The following ANTXR1 variants were observed in gnomAD, a reference collection of about 807,000 sequenced individuals.
ANTXR1 encodes anthrax toxin receptor 1.
A neutral mutation model predicts 78.1 loss-of-function variants in ANTXR1; 19 were observed. The ratio of observed to expected loss-of-function variants is 0.24; its 90% CI spans 0.17 to 0.36. The LOEUF is 0.36. Among genes scored for constraint, ANTXR1 ranks in the 10% least tolerant of loss-of-function variants. The probability of loss-of-function intolerance (pLI) is 1.00; values close to 1 mark genes in which losing one functional copy is unlikely to be tolerated. For missense variants in ANTXR1, 518 were observed against 718.6 expected (o/e 0.72, Z 3.19); for synonymous variants, 273 against 260.5 (o/e 1.05, Z -0.46).
At chr2:69,017,282 C>G (rs974696807) in intron 1 of ANTXR1, among the ~76,000 whole-genome samples, 6 of 152,146 alleles carry the variant, frequency 3.9e-5, no homozygotes, top group African/African-American at 1.4e-4. Flanking sequence ...GTCCAGCACC[C>G]AACCACAGCC....
chr2:69,179,899 T>A (rs1271860232), intron 14 of ANTXR1, among the ~76,000 whole-genome samples: 1 of 152,188 alleles, frequency 6.6e-6, no homozygotes, highest in African/African-American at 2.4e-5. Context: ...ATGAATGCAA[T>A]ATGTGTTTAT....
chr2:69,130,680 C>T (rs1276430002), intron 12 of ANTXR1, among the ~76,000 whole-genome samples: 1 of 152,150 alleles, frequency 6.6e-6, no homozygotes, highest in East Asian at 1.9e-4. Context: ...AAAATGACAG[C>T]TGTGTATTAG....
At chr2:69,241,790 G>T (rs1675900341) in intron 17 of ANTXR1, among the ~76,000 whole-genome samples, 1 of 152,164 alleles carries the variant, frequency 6.6e-6, no homozygotes, top group African/African-American at 2.4e-5. Context: ...GGGTCTGATT[G>T]TGTCTGCGCA....
intron 9 of ANTXR1, among the ~76,000 whole-genome samples, chr2:69,101,751 A>C (rs4435491): frequency 0.79 from 120,502 of 152,112 alleles, 48,112 homozygotes; most frequent in Admixed American, 0.86. Flanking sequence ...CAAACATTGC[A>C]TTTTTTCCTC....
intron 12 of ANTXR1, among the ~76,000 whole-genome samples, chr2:69,136,872 G>C (rs1228186838): frequency 6.6e-6 from 1 of 152,158 alleles, no homozygotes; most frequent in Non-Finnish European, 1.5e-5. Flanking sequence ...TGTATAGAAA[G>C]AACTGTGTAC....
chr2:69,212,516 G>A (rs1443707089), intron 17 of ANTXR1, among the ~76,000 whole-genome samples: 3 of 152,164 alleles, frequency 2.0e-5, no homozygotes, highest in Admixed American at 1.3e-4. Context: ...AAGAGCAGGC[G>A]CAGACTGTGA....
intron 1 of ANTXR1, among the ~76,000 whole-genome samples, chr2:69,026,691 A>G (rs1671353526): frequency 6.6e-6 from 1 of 152,246 alleles, no homozygotes; most frequent in Non-Finnish European, 1.5e-5. Flanking sequence ...GTTTTGGGGC[A>G]TCATAAGAGC....
chr2:69,223,832 C>T (rs143247735), intron 17 of ANTXR1, among the ~76,000 whole-genome samples: 3 of 152,164 alleles, frequency 2.0e-5, no homozygotes, highest in African/African-American at 4.8e-5. Flanking sequence ...AAGGAGGAAA[C>T]GGCTAAAAAT....
At chr2:69,055,252 G>C (rs1670035677) in intron 3 of ANTXR1, among the ~76,000 whole-genome samples, 1 of 152,146 alleles carries the variant, frequency 6.6e-6, no homozygotes, top group South Asian at 2.1e-4. Flanking sequence ...CATCCTTCTT[G>C]AAGTTTTAAC....
rs115260241 is a variant in ANTXR1 at position 69,187,206 on chromosome 2, A to G, written c.1353+4546A>G. 2.8e-3 allele frequency among the ~76,000 whole-genome samples: 421 copies of G among 152,198 alleles called. 2 individuals carry two copies. Among genetic ancestry groups the G allele is most frequent in the African/African-American group, 9.7e-3 (404 of 41,510 alleles). On this transcript the variant is annotated intron_variant, in intron 16 of 17. Coordinates refer to ENST00000303714, the MANE Select transcript of ANTXR1 (RefSeq NM_032208.3). ...TCTCCACCCACCATCTCCCCGTCTA[A>G]TTTAAGGCACCAACCACACCAACCA...
intron 3 of ANTXR1, among the ~76,000 whole-genome samples, chr2:69,065,442 A>AAAAAAAAT (rs1670370408): frequency 6.6e-6 from 1 of 151,122 alleles, no homozygotes; most frequent in Non-Finnish European, 1.5e-5. Context: ...AAAAAAAAAA[A>AAAAAAAAT]GTGATTTTTC....
intron 8 of ANTXR1, among the ~76,000 whole-genome samples, chr2:69,085,483 C>A (rs2104264352): frequency 6.6e-6 from 1 of 152,186 alleles, no homozygotes; most frequent in South Asian, 2.1e-4. Context: ...ATTCAGAAGA[C>A]CCTGAGGTTA....
At chr2:69,205,850 C>A (rs1475385709) in intron 17 of ANTXR1, among the ~76,000 whole-genome samples, 1 of 152,172 alleles carries the variant, frequency 6.6e-6, no homozygotes, top group Non-Finnish European at 1.5e-5. Context: ...AAACACTAAA[C>A]TTTTATTATA....
intron 1 of ANTXR1, among the ~76,000 whole-genome samples, chr2:69,014,636 T>G (rs921805995): frequency 2.0e-5 from 3 of 152,130 alleles, no homozygotes; most frequent in African/African-American, 7.2e-5. Flanking sequence ...AAAAAGCCCC[T>G]CACAGAAGAT....
chr2:69,235,651 CAAAAAA>C (rs554310438), intron 17 of ANTXR1, among the ~76,000 whole-genome samples: 1 of 58,226 alleles, frequency 1.7e-5, no homozygotes, highest in Non-Finnish European at 3.5e-5. Context: ...AACCCCGTCT[CAAAAAA>C]AAAAAAAAAA....
intron 14 of ANTXR1, among the ~76,000 whole-genome samples, chr2:69,171,037 A>C (rs1673969654): frequency 1.3e-5 from 2 of 152,222 alleles, no homozygotes; most frequent in Admixed American, 6.5e-5. Flanking sequence ...CCACCCATTC[A>C]GAAGCCAGGG....
chr2:69,112,616 C>T (rs1418568710), intron 10 of ANTXR1, among the ~76,000 whole-genome samples: 1 of 152,210 alleles, frequency 6.6e-6, no homozygotes, highest in Non-Finnish European at 1.5e-5. Flanking sequence ...GAAAAAGCCC[C>T]CGACCAGGGT....
intron 1 of ANTXR1, among the ~76,000 whole-genome samples, chr2:69,025,797 C>T (rs573489628): frequency 6.6e-6 from 1 of 152,266 alleles, no homozygotes; most frequent in East Asian, 1.9e-4. Context: ...CCAGGACAGG[C>T]CTGGTCTATG....
At chr2:69,040,586 C>A (rs1363623753) in intron 2 of ANTXR1, among the ~76,000 whole-genome samples, 1 of 152,168 alleles carries the variant, frequency 6.6e-6, no homozygotes, top group South Asian at 2.1e-4. Flanking sequence ...GACAATTGGT[C>A]GCTCTCTAGC....
Sources: allele counts gnomAD v4.1 joint callset (sites outside exome capture counted in the v4.1 genomes callset), GRCh38; gene constraint gnomAD v4.1.1; transcripts MANE v1.5; gene names NCBI Gene and HGNC (gene_info 2026-07-23, HGNC 2026-07-21).